The following CSMD1 variants were observed in gnomAD, a reference collection of about 807,000 sequenced individuals.
The protein encoded by CSMD1 is CUB and Sushi multiple domains 1.
Under a neutral mutation model 417.5 loss-of-function variants are expected in CSMD1, and 213 were observed. The ratio of observed to expected loss-of-function variants is 0.51; its 90% confidence interval spans 0.46 to 0.57. CSMD1 has a LOEUF of 0.57. Ranked by LOEUF, CSMD1 falls within the 20% of genes least tolerant of loss-of-function variation. The pLI is 0.00. For synonymous variants in CSMD1, 2,862 were observed against 1,736.8 expected, an observed-to-expected ratio of 1.65 and a Z score of -16.11; for missense variants, 6,923 against 4,529.7, an observed-to-expected ratio of 1.53 and a Z score of -15.17.
intron 25 of CSMD1, among the ~76,000 whole-genome samples, chr8:3,296,069 T>A (rs538123318): frequency 4.0e-5 from 6 of 151,886 alleles, no homozygotes; most frequent in African/African-American, 1.4e-4. Flanking sequence ...GAGTGAAGAA[T>A]ATGGAATGTT....
At chr8:4,141,966 T>C (rs1442015030) in intron 3 of CSMD1, among the ~76,000 whole-genome samples, 3 of 151,126 alleles carry the variant, frequency 2.0e-5, no homozygotes, top group Non-Finnish European at 1.5e-5. Context: ...AATTTGTTTA[T>C]AAATTATGAC....
chr8:4,874,388 ATTTTTT>A (rs3038302), intron 1 of CSMD1, among the ~76,000 whole-genome samples: 4 of 133,528 alleles, frequency 3.0e-5, no homozygotes, highest in Non-Finnish European at 4.6e-5. Flanking sequence ...ATCCGATTGT[ATTTTTT>A]TTTTTTTTTT....
chr8:3,103,767 T>C (rs1815926250), intron 46 of CSMD1, among the ~76,000 whole-genome samples: 1 of 150,460 alleles, frequency 6.6e-6, no homozygotes, highest in African/African-American at 2.5e-5. Flanking sequence ...AAAAATGATG[T>C]AGTTTTGCTC....
At chr8:3,829,861 T>A (rs1356175530) in intron 5 of CSMD1, among the ~76,000 whole-genome samples, 2 of 152,212 alleles carry the variant, frequency 1.3e-5, no homozygotes, top group African/African-American at 4.8e-5. Context: ...ATTAATCCGC[T>A]TAGAAAACAC....
chr8:3,267,007 C>T (rs1314715895), intron 26 of CSMD1, among the ~76,000 whole-genome samples: 6 of 152,002 alleles, frequency 3.9e-5, no homozygotes, highest in African/African-American at 9.7e-5. Flanking sequence ...CATATGTGAA[C>T]GATGGTAGTT....
chr8:3,820,005 C>G (rs1801634034), intron 5 of CSMD1, among the ~76,000 whole-genome samples: 1 of 152,164 alleles, frequency 6.6e-6, no homozygotes. Flanking sequence ...AGCGTACTTT[C>G]CACTTGAACA....
At position 4,404,706 on chromosome 8, in the gene CSMD1, A is replaced by G. The variant is rs140153960; in HGVS notation, c.415+15247T>C. Among the ~76,000 whole-genome samples, 1,445 of 152,094 alleles carry G rather than the reference A, an allele frequency of 9.5e-3. 9 individuals are homozygous for G. The highest frequency in any genetic ancestry group is 0.041 in the Middle Eastern group (12 of 294). On this transcript the variant is annotated intron_variant, in intron 3 of 69. Coordinates refer to ENST00000635120, the MANE Select transcript of CSMD1 (RefSeq NM_033225.6). ...TTATGTTTATAATATTAATATTTAA[A>G]TTTTACTTATATTTTCCTATTTATG...
intron 2 of CSMD1, among the ~76,000 whole-genome samples, chr8:4,628,483 C>T (rs991961560): frequency 2.0e-5 from 3 of 147,686 alleles, no homozygotes; most frequent in Non-Finnish European, 3.0e-5. Flanking sequence ...TATATACACA[C>T]AGTATCAGTA....
chr8:3,773,137 T>C (rs1798708515), intron 5 of CSMD1, among the ~76,000 whole-genome samples: 1 of 152,142 alleles, frequency 6.6e-6, no homozygotes, highest in Admixed American at 6.5e-5. Flanking sequence ...TCGCCAAGTC[T>C]CCACCTTCTA....
chr8:4,130,178 GTTCT>G (rs1245082370), intron 3 of CSMD1, among the ~76,000 whole-genome samples: 1 of 152,076 alleles, frequency 6.6e-6, no homozygotes, highest in Non-Finnish European at 1.5e-5. Context: ...CTTTTCCTTA[GTTCT>G]TTCTTTCTCT....
chr8:3,750,356 T>C (rs756410975), intron 6 of CSMD1, among the ~76,000 whole-genome samples: 6 of 149,884 alleles, frequency 4.0e-5, no homozygotes, highest in Non-Finnish European at 8.9e-5. Context: ...ATATATATGA[T>C]TCAGGTTAAA....
chr8:4,011,128 T>C (rs1816503940), intron 4 of CSMD1, among the ~76,000 whole-genome samples: 1 of 152,174 alleles, frequency 6.6e-6, no homozygotes, highest in Non-Finnish European at 1.5e-5. Flanking sequence ...AATTATGTAA[T>C]CTATAACCTT....
intron 6 of CSMD1, among the ~76,000 whole-genome samples, chr8:3,710,614 G>A (rs1415456767): frequency 6.6e-6 from 1 of 152,106 alleles, no homozygotes; most frequent in Non-Finnish European, 1.5e-5. Context: ...TGGCCCCTGT[G>A]TATTCTGACA....
intron 1 of CSMD1, among the ~76,000 whole-genome samples, chr8:4,655,768 T>G (rs987683000): frequency 2.0e-5 from 3 of 152,068 alleles, no homozygotes; most frequent in African/African-American, 4.8e-5. Context: ...ATAGTATAAT[T>G]TACGTTGATA....
intron 4 of CSMD1, among the ~76,000 whole-genome samples, chr8:4,003,546 C>G (rs1815870899): frequency 6.6e-6 from 1 of 152,004 alleles, no homozygotes. Flanking sequence ...AAAACAAACA[C>G]AGGTGAAGTT....
intron 3 of CSMD1, among the ~76,000 whole-genome samples, chr8:4,196,591 T>A (rs1172323962): frequency 6.6e-6 from 1 of 152,144 alleles, no homozygotes; most frequent in Non-Finnish European, 1.5e-5. Context: ...TTCTCTGGGG[T>A]CATAGCCTTC....
At chr8:4,382,713 C>T (rs925297594) in intron 3 of CSMD1, among the ~76,000 whole-genome samples, 76 of 151,110 alleles carry the variant, frequency 5.0e-4, no homozygotes, top group African/African-American at 1.8e-3. Context: ...TTACTGGCTT[C>T]TTTGTTTTTA....
intron 1 of CSMD1, among the ~76,000 whole-genome samples, chr8:4,902,847 T>C (rs1804976327): frequency 6.6e-6 from 1 of 151,832 alleles, no homozygotes; most frequent in South Asian, 2.1e-4. Context: ...ATATTTTTAT[T>C]TTTATCATTT....
chr8:3,867,586 G>A (rs916389745), intron 5 of CSMD1, among the ~76,000 whole-genome samples: 1 of 152,072 alleles, frequency 6.6e-6, no homozygotes, highest in Non-Finnish European at 1.5e-5. Context: ...GTGGATATCT[G>A]AAACCTAAAC....
Sources: allele counts gnomAD v4.1 joint callset (sites outside exome capture counted in the v4.1 genomes callset), GRCh38; gene constraint gnomAD v4.1.1; transcripts MANE v1.5; gene names NCBI Gene and HGNC (gene_info 2026-07-23, HGNC 2026-07-21).